The following CHSY3 variants were observed in gnomAD, a reference collection of about 807,000 sequenced individuals.
CHSY3 encodes the protein chondroitin sulfate synthase 3, also known as N-acetylgalactosaminyl-proteoglycan 3-beta-glucuronosyltransferase 3.
Under a neutral mutation model 67.2 loss-of-function variants are expected in CHSY3, and 35 were observed. The observed-to-expected ratio is 0.52, with a 90% CI of 0.40 to 0.69. The LOEUF (loss-of-function observed/expected upper bound fraction) is 0.69. Among genes scored for constraint, CHSY3 ranks in the 30% least tolerant of loss-of-function variants. The pLI is 0.00. For synonymous variants in CHSY3, 474 were observed against 434.7 expected (o/e 1.09, Z -1.12); for missense variants, 1,069 against 1,138.5 (o/e 0.94, Z 0.88).
intron 2 of CHSY3, among the ~76,000 whole-genome samples, chr5:130,136,292 C>T (rs1768658605): frequency 6.6e-6 from 1 of 152,072 alleles, no homozygotes; most frequent in South Asian, 2.1e-4. Flanking sequence ...CACTCCAAGG[C>T]AAAAATCAGC....
At chr5:130,011,083 C>G (rs1764044979) in intron 2 of CHSY3, among the ~76,000 whole-genome samples, 2 of 152,256 alleles carry the variant, frequency 1.3e-5, no homozygotes, top group Admixed American at 1.3e-4. Context: ...TGAAACTATT[C>G]CATTGACTTG....
In CHSY3 at chr5:130,037,674, A is replaced by C. The variant is rs1580672388; in HGVS notation, c.1086+129314A>C. 2.0e-5 allele frequency among the ~76,000 whole-genome samples: 3 copies of C among 152,132 alleles called. No homozygotes were observed. The East Asian group carries it at 5.8e-4, about 29-fold the overall frequency. ...CCCCATAATTTACTATGTTTTTAGA[A>C]TTTTTAAAATTAACAATGTAATTTA... On this transcript the variant is annotated intron_variant, in intron 2 of 2. Coordinates refer to ENST00000305031, the MANE Select transcript of CHSY3 (RefSeq NM_175856.5).
intron 2 of CHSY3, among the ~76,000 whole-genome samples, chr5:130,100,412 GTCTCGA>G (rs1214741789): frequency 6.6e-6 from 1 of 150,756 alleles, no homozygotes; most frequent in African/African-American, 2.4e-5. Context: ...AGCCAGGATG[GTCTCGA>G]TCTCCTGACC....
chr5:130,107,213 T>C (rs536788939), intron 2 of CHSY3, among the ~76,000 whole-genome samples: 31 of 151,464 alleles, frequency 2.0e-4, no homozygotes, highest in African/African-American at 7.5e-4. Flanking sequence ...TTCTTTACTC[T>C]TCACCTATAA....
intron 2 of CHSY3, among the ~76,000 whole-genome samples, chr5:129,921,422 C>A (rs1340300542): frequency 2.0e-5 from 3 of 152,086 alleles, no homozygotes; most frequent in Non-Finnish European, 2.9e-5. Flanking sequence ...ATGTCCTGGG[C>A]AGGATGGAAC....
rs61100585 is a variant in CHSY3 at position 130,002,762 on chromosome 5, TTAAA to T, written c.1086+94405_1086+94408del. The stretch of plus-strand genomic sequence containing the variant: ...ATCTTATAACATCATGTTGTATACC[TTAAA>T]TATACACAATAAATATTATTTTAAA... On this transcript the variant is annotated intron_variant, in intron 2 of 2. Transcript: ENST00000305031. Among the ~76,000 whole-genome samples, 820 of 152,252 alleles carry T rather than the reference TTAAA, an allele frequency of 5.4e-3. 4 individuals carry two copies. The highest frequency in any genetic ancestry group is 0.019 in the African/African-American group (780 of 41,532).
intron 2 of CHSY3, among the ~76,000 whole-genome samples, chr5:129,921,487 T>C (rs1760923349): frequency 6.6e-6 from 1 of 152,166 alleles, no homozygotes; most frequent in Admixed American, 6.5e-5. Flanking sequence ...TTAAAACATA[T>C]AATTTGTGTA....
chr5:130,023,162 G>C (rs78906176), intron 2 of CHSY3, among the ~76,000 whole-genome samples: 4 of 151,904 alleles, frequency 2.6e-5, no homozygotes, highest in Admixed American at 6.6e-5. Context: ...TTCTTTAGAA[G>C]TGGGAAAAAT....
intron 2 of CHSY3, among the ~76,000 whole-genome samples, chr5:129,987,148 A>G (rs541407164): frequency 4.6e-5 from 7 of 152,324 alleles, no homozygotes; most frequent in Admixed American, 4.6e-4. Context: ...AAATATTAAA[A>G]TAGAGAACAG....
chr5:130,038,262 G>A (rs1165665115), intron 2 of CHSY3, among the ~76,000 whole-genome samples: 1 of 151,822 alleles, frequency 6.6e-6, no homozygotes, highest in Non-Finnish European at 1.5e-5. Context: ...AAAGATTGAG[G>A]GACAGTGAAA....
chr5:130,006,469 TG>T (rs1290228633), intron 2 of CHSY3, among the ~76,000 whole-genome samples: 8 of 152,330 alleles, frequency 5.3e-5, no homozygotes, highest in Admixed American at 1.3e-4. Flanking sequence ...TGTGATGATC[TG>T]GGTTGAGGTA....
chr5:130,176,254 C>G (rs1179907271), intron 2 of CHSY3, among the ~76,000 whole-genome samples: 1 of 151,980 alleles, frequency 6.6e-6, no homozygotes, highest in Non-Finnish European at 1.5e-5. Context: ...AAAAAAAAAG[C>G]CCATCATCAC....
At chr5:130,174,863 C>G (rs1769996997) in intron 2 of CHSY3, among the ~76,000 whole-genome samples, 1 of 152,154 alleles carries the variant, frequency 6.6e-6, no homozygotes, top group East Asian at 1.9e-4. Flanking sequence ...GTTTTAGAGC[C>G]TGGCTCCATC....
intron 2 of CHSY3, among the ~76,000 whole-genome samples, chr5:129,930,379 T>C (rs948347823): frequency 6.6e-5 from 10 of 151,078 alleles, no homozygotes; most frequent in African/African-American, 2.4e-4. Context: ...ACATAACCAT[T>C]TTTCTTGAAG....
At chr5:130,178,254 T>TATATATATATATATATATA (rs1554088380) in intron 2 of CHSY3, among the ~76,000 whole-genome samples, 1 of 26,828 alleles carries the variant, frequency 3.7e-5, no homozygotes, top group African/African-American at 1.4e-4. Flanking sequence ...TATATATATA[T>TATATATATATATATATATA]TTTTTTTTTT....
chr5:130,000,883 TTC>T (rs1368121284), intron 2 of CHSY3, among the ~76,000 whole-genome samples: 4 of 143,090 alleles, frequency 2.8e-5, no homozygotes, highest in African/African-American at 1.1e-4. Flanking sequence ...CCAGCCTGTC[TTC>T]TTTTTTTTTT....
At chr5:130,010,258 A>C (rs1296719925) in intron 2 of CHSY3, among the ~76,000 whole-genome samples, 2 of 152,204 alleles carry the variant, frequency 1.3e-5, no homozygotes, top group African/African-American at 4.8e-5. Context: ...ACAAATTATA[A>C]AAACCAAAAT....
chr5:130,146,640 T>C (rs1392885901), intron 2 of CHSY3, among the ~76,000 whole-genome samples: 1 of 152,150 alleles, frequency 6.6e-6, no homozygotes, highest in African/African-American at 2.4e-5. Context: ...AAAGAAATGA[T>C]AAATGCGTTT....
At chr5:129,929,932 A>G (rs1429771981) in intron 2 of CHSY3, among the ~76,000 whole-genome samples, 1 of 152,212 alleles carries the variant, frequency 6.6e-6, no homozygotes, top group Non-Finnish European at 1.5e-5. Flanking sequence ...GAAAGGTACA[A>G]CTATTTCTCG....
Sources: gnomAD v4.1 joint callset for allele counts (sites outside exome capture counted in the v4.1 genomes callset) on GRCh38, gnomAD v4.1.1 for gene constraint, MANE v1.5 for transcripts, NCBI Gene and HGNC (gene_info 2026-07-23, HGNC 2026-07-21) for gene names.